GPC5: variants seen among roughly 807,000 people sequenced by gnomAD.
The protein encoded by GPC5 is glypican-5.
Under a neutral mutation model 53.9 loss-of-function variants are expected in GPC5, and 47 were observed. The ratio of observed to expected loss-of-function variants is 0.87; its 90% CI spans 0.69 to 1.11. GPC5 has a LOEUF of 1.11. Among genes scored for constraint, GPC5 ranks in the 50% most tolerant of loss-of-function variants. GPC5 has a pLI of 0.00. For synonymous variants in GPC5, 286 were observed against 263.3 expected (o/e 1.09, Z -0.84); for missense variants, 748 against 713.1 (o/e 1.05, Z -0.56).
In GPC5 at chr13:91,630,729, A is replaced by G. The variant is rs545232306; in HGVS notation, c.326-62458A>G. The stretch of plus-strand genomic sequence containing the variant: ...GAAGAAGAATAGAGCCAAGGTACCC[A>G]TGCTGAGTTCCTGCTCCTAAGTTTA... On this transcript the variant is annotated intron_variant, in intron 2 of 7. Transcript: ENST00000377067. Among the ~76,000 whole-genome samples, 7 of 152,258 alleles carry G rather than the reference A, an allele frequency of 4.6e-5. No homozygotes were observed. In the South Asian group the frequency reaches 1.5e-3, roughly 32 times the overall value.
chr13:91,728,971 G>A (rs1008114830), intron 4 of GPC5, among the ~76,000 whole-genome samples: 2 of 152,142 alleles, frequency 1.3e-5, no homozygotes, highest in Admixed American at 1.3e-4. Context: ...CAGTGTGACT[G>A]AGGATTGAAT....
At chr13:92,087,931 A>AACTACTTTTTTTTTTTTTAAAGG (rs2041348631) in intron 6 of GPC5, among the ~76,000 whole-genome samples, 2 of 149,792 alleles carry the variant, frequency 1.3e-5, no homozygotes, top group Non-Finnish European at 3.0e-5. Flanking sequence ...TCTAGCTTCC[A>AACTACTTTTTTTTTTTTTAAAGG]ACTACTTTTT....
intron 6 of GPC5, among the ~76,000 whole-genome samples, chr13:92,058,232 GC>G (rs1211294304): frequency 9.2e-5 from 14 of 152,232 alleles, no homozygotes; most frequent in African/African-American, 2.9e-4. Context: ...TCACTGTGTT[GC>G]CCATGCTGGT....
chr13:91,412,406 A>G (rs1325835547), intron 1 of GPC5, among the ~76,000 whole-genome samples: 1 of 152,240 alleles, frequency 6.6e-6, no homozygotes, highest in Non-Finnish European at 1.5e-5. Flanking sequence ...GTATTTGAAT[A>G]CATAACTTCT....
chr13:92,636,294 C>A (rs1033731076), intron 7 of GPC5, among the ~76,000 whole-genome samples: 1 of 152,048 alleles, frequency 6.6e-6, no homozygotes, highest in Non-Finnish European at 1.5e-5. Context: ...AGTGAAAATT[C>A]TCCTTGATGG....
rs1004937193 is a variant in GPC5, at chr13:92,740,957, T to A, written c.1562-125325T>A. ...GCATGTATGTGTGTATATATATGTA[T>A]GTGTATATATATATCCTGCTGTAGC... On this transcript the variant is annotated intron_variant, in intron 7 of 7. Transcript: ENST00000377067. Among the ~76,000 whole-genome samples the A allele has an allele frequency of 2.3e-5, 3 of 129,792 alleles. 1 individual carries two copies. Among genetic ancestry groups the A allele is most frequent in the Non-Finnish European group, 4.9e-5 (3 of 61,218 alleles). 85.1% of individuals were successfully genotyped at this position (129,792 alleles called of 152,430 possible). A position where few individuals can be genotyped will look rare whatever the true frequency, so the allele number is the denominator to read the frequency against.
chr13:91,468,183 C>A (rs145992830), intron 2 of GPC5, among the ~76,000 whole-genome samples: 13 of 152,164 alleles, frequency 8.5e-5, no homozygotes, highest in African/African-American at 3.1e-4. Context: ...AGTTCTGTGG[C>A]CATGCCTCAT....
At chr13:92,325,103 G>GACACACAC (rs140189672) in intron 7 of GPC5, among the ~76,000 whole-genome samples, 10,767 of 146,376 alleles carry the variant, frequency 0.074, 444 homozygotes, top group Non-Finnish European at 0.096. Flanking sequence ...AATAACTTCT[G>GACACACAC]ACACACACAC....
chr13:92,727,466 T>C (rs1277723672), intron 7 of GPC5, among the ~76,000 whole-genome samples: 1 of 151,426 alleles, frequency 6.6e-6, no homozygotes, highest in African/African-American at 2.4e-5. Context: ...CTTTGCCTCA[T>C]CACAGACCTC....
chr13:92,236,467 A>AAC (rs1195478519), intron 7 of GPC5, among the ~76,000 whole-genome samples: 1 of 152,116 alleles, frequency 6.6e-6, no homozygotes. Flanking sequence ...TCCCAGTAGA[A>AAC]AAAATAGAAG....
intron 4 of GPC5, among the ~76,000 whole-genome samples, chr13:91,734,321 G>A (rs1298637509): frequency 6.6e-6 from 1 of 151,324 alleles, no homozygotes; most frequent in Non-Finnish European, 1.5e-5. Flanking sequence ...CCGTGAGTTG[G>A]GGACTCTTTA....
At chr13:92,343,613 C>A (rs567825984) in intron 7 of GPC5, among the ~76,000 whole-genome samples, 1 of 151,782 alleles carries the variant, frequency 6.6e-6, no homozygotes, top group South Asian at 2.1e-4. Context: ...TATAATAATG[C>A]CTTATATTTT....
chr13:92,499,703 T>C (rs984132451), intron 7 of GPC5, among the ~76,000 whole-genome samples: 1 of 152,188 alleles, frequency 6.6e-6, no homozygotes, highest in African/African-American at 2.4e-5. Context: ...AAAATTTTCA[T>C]ACATAGTGCC....
chr13:92,411,312 T>C (rs1341503323), intron 7 of GPC5, among the ~76,000 whole-genome samples: 2 of 152,138 alleles, frequency 1.3e-5, no homozygotes, highest in African/African-American at 4.8e-5. Context: ...ATATGGATAT[T>C]ATGCTAAGTT....
intron 7 of GPC5, among the ~76,000 whole-genome samples, chr13:92,215,240 C>T (rs2042401591): frequency 6.6e-6 from 1 of 152,178 alleles, no homozygotes; most frequent in Non-Finnish European, 1.5e-5. Context: ...TAACTTAAAA[C>T]ACATTAGTAT....
chr13:91,589,057 A>C (rs915144791), intron 2 of GPC5, among the ~76,000 whole-genome samples: 1 of 152,134 alleles, frequency 6.6e-6, no homozygotes, highest in African/African-American at 2.4e-5. Flanking sequence ...CATCCACTTT[A>C]TTGAAATGAC....
chr13:92,433,825 G>A (rs546131266), intron 7 of GPC5, among the ~76,000 whole-genome samples: 33 of 152,166 alleles, frequency 2.2e-4, no homozygotes, highest in African/African-American at 7.0e-4. Context: ...TACAGAAAAC[G>A]GTGACACCTA....
rs565235095 is a variant in GPC5, at chr13:92,059,931, A to G, written c.1402-84899A>G. On this transcript the variant is annotated intron_variant, in intron 6 of 7. Coordinates refer to ENST00000377067, the MANE Select transcript of GPC5 (RefSeq NM_004466.6). ...ATGCCTACGTAACATGCCCACATCA[A>G]CTAGAGGTTTGCTTTACGTTGGTGC... is the stretch of plus-strand genomic sequence containing the variant. 3.3e-4 allele frequency: 50 copies of G among 152,068 alleles called. 1 individual carries two copies. Among genetic ancestry groups the G allele is most frequent in the African/African-American group, 1.1e-3 (46 of 41,424 alleles). 9.4% of individuals were successfully genotyped at this position (152,068 alleles called of 1,614,324 possible). A position where few individuals can be genotyped will look rare whatever the true frequency, so the allele number is the denominator to read the frequency against.
intron 5 of GPC5, among the ~76,000 whole-genome samples, chr13:91,814,123 G>A (rs887536914): frequency 1.3e-5 from 2 of 151,534 alleles, no homozygotes; most frequent in African/African-American, 4.8e-5. Context: ...TAGTAGAGAC[G>A]GGGTTTCACC....
Sources: gnomAD v4.1 joint callset for allele counts (sites outside exome capture counted in the v4.1 genomes callset) on GRCh38, gnomAD v4.1.1 for gene constraint, MANE v1.5 for transcripts, NCBI Gene and HGNC (gene_info 2026-07-23, HGNC 2026-07-21) for gene names.